The following HERC2 variants were observed in gnomAD, a reference collection of about 807,000 sequenced individuals.
The protein encoded by HERC2 is E3 ubiquitin-protein ligase HERC2.
Under a neutral mutation model 537.7 loss-of-function variants are expected in HERC2, and 102 were observed. That is an observed-to-expected ratio of 0.19 (90% CI 0.16 to 0.22). HERC2 has a LOEUF of 0.22. Among genes scored for constraint, HERC2 ranks in the 10% least tolerant of loss-of-function variants. The pLI, the probability that HERC2 is intolerant of heterozygous loss-of-function variation, is 1.00. For synonymous variants in HERC2, 2,224 were observed against 2,466.2 expected, an observed-to-expected ratio of 0.90 and a Z score of 2.91; for missense variants, 4,236 against 6,198.2, an observed-to-expected ratio of 0.68 and a Z score of 10.63.
intron 4 of HERC2, among the ~76,000 whole-genome samples, chr15:28,288,535 C>CAA (rs1216166029): frequency 1.0e-3 from 83 of 82,258 alleles, no homozygotes; most frequent in African/African-American, 2.8e-3. Context: ...AACTCCGACT[C>CAA]AAAAAAAAAA....
At position 28,113,870 on chromosome 15, in the gene HERC2, CG is replaced by C. The variant is rs1438569003; in HGVS notation, c.13914-193del. On this transcript the variant is annotated intron_variant, in intron 90 of 92. Coordinates refer to ENST00000261609, the MANE Select transcript of HERC2 (RefSeq NM_004667.6). This position sits in a 1 kb window ranked among gnomAD's most constrained non-coding sequence, Gnocchi z 7.0. ...GCTTCTCCTGACACTGGGCTCATCTCGTCCAGCCGACAGGGTACGGCCTAAT... is the reference window on the plus strand; with the variant it reads ...GCTTCTCCTGACACTGGGCTCATCTCTCCAGCCGACAGGGTACGGCCTAAT... Among the ~76,000 whole-genome samples, 1 of 152,184 alleles carries C rather than the reference CG, an allele frequency of 6.6e-6. No individual in the cohort carries two copies. The highest frequency in any genetic ancestry group is 1.9e-4 in the East Asian group (1 of 5,190).
rs1241640864 is a variant in HERC2 at position 28,169,545 on chromosome 15, T to G, written c.10168A>C (p.Asn3390His). The change falls in exon 66 of 93, where the codon AAT (asparagine) becomes CAT (histidine). Residue 3390 changes from asparagine to histidine, a missense_variant. By Grantham distance (68) the Asn-to-His change is moderately conservative. Coordinates refer to ENST00000261609, the MANE Select transcript of HERC2 (RefSeq NM_004667.6). ...GATAAGGCCTGCTGTTTGGCCAGAT[T>G]TCCATCCAATGACAAGAGAATCTTG... The part of the protein sequence containing the change: ...LAKILLSLDG[N>H]LAKQQALSHI... The G allele has an allele frequency of 6.2e-7, 1 of 1,613,088 alleles. No individual in the cohort carries two copies. Among genetic ancestry groups the G allele is most frequent in the East Asian group, 2.2e-5 (1 of 44,880 alleles).
intron 5 of HERC2, among the ~76,000 whole-genome samples, chr15:28,279,615 CCACACA>C (rs58447102): frequency 4.9e-4 from 70 of 141,676 alleles, no homozygotes; most frequent in Middle Eastern, 3.5e-3. Context: ...GACCCCATCT[CCACACA>C]CACACACACA....
At chr15:28,278,375 AAAAC>A (rs1470874353) in intron 5 of HERC2, among the ~76,000 whole-genome samples, 9 of 152,180 alleles carry the variant, frequency 5.9e-5, no homozygotes, top group African/African-American at 1.9e-4. Flanking sequence ...CCCCCATGTC[AAAAC>A]AAACAAACAA....
chr15:28,318,488 C>T (rs986201195), intron 2 of HERC2, among the ~76,000 whole-genome samples: 3 of 152,074 alleles, frequency 2.0e-5, no homozygotes, highest in African/African-American at 4.8e-5. Context: ...ATTAGCCAGG[C>T]GTGGTGGTGG....
chr15:28,113,781 G>T lies in HERC2; in HGVS notation c.13914-103C>A. ...CAGCACTGTGGCCGCACACGTCCCA[G>T]CTGGGAGAACAGAGGGAGCAGCTCC... On this transcript the variant is annotated intron_variant, in intron 90 of 92. Transcript: ENST00000261609. This position sits in a 1 kb window ranked among gnomAD's most constrained non-coding sequence, Gnocchi z 7.0. 2 of 905,350 alleles carry T rather than the reference G, an allele frequency of 2.2e-6. No individual in the cohort carries two copies. Among genetic ancestry groups the T allele is most frequent in the Non-Finnish European group, 3.5e-6 (2 of 565,468 alleles). The allele number at this position is 905,350 out of a possible 1,614,324, so 56.1% of individuals were successfully genotyped here. A position where few individuals can be genotyped will look rare whatever the true frequency, so the allele number is the denominator to read the frequency against.
At chr15:28,228,523 T>C (rs1901484180) in intron 34 of HERC2, 114 bp from the exon 35 acceptor site, 2 of 950,226 alleles carry the variant, frequency 2.1e-6, no homozygotes, top group South Asian at 3.3e-5. Flanking sequence ...CCCACTGACA[T>C]TTCTTCTGCA....
chr15:28,111,840 T>C lies in HERC2; in HGVS notation c.14428A>G (p.Ser4810Gly). The C allele has an allele frequency of 1.2e-6, 2 of 1,614,234 alleles. No individual in the cohort carries two copies. Among genetic ancestry groups the C allele is most frequent in the Non-Finnish European group, 1.7e-6 (2 of 1,180,038 alleles). ...TCCTCGTTATCTGAATCGTCGCTGC[T>C]GTCGTCGGCGGCTGGCTCTCCTGTA... is the stretch of plus-strand genomic sequence containing the variant. Reference protein sequence around the residue: ...ALTGEPAADDSSDDSDNEDVD... With the variant: ...ALTGEPAADDGSDDSDNEDVD... Residue 4810 changes from serine (S) to glycine (G), a missense_variant, in exon 93 of 93, where the codon AGC becomes GGC. By Grantham distance (56) the Ser-to-Gly change is moderately conservative. This residue lies in a region of HERC2 where 313 missense variants were observed against 462.6 expected (regional missense o/e 0.68). Transcript: ENST00000261609.
chr15:28,215,711 G>C lies in HERC2; in HGVS notation c.6120C>G (p.Cys2040Trp). The change falls in exon 39 of 93, where the codon TGC becomes TGG. Residue 2040 changes from cysteine (C) to tryptophan (W), a missense_variant. Coordinates refer to ENST00000261609, the MANE Select transcript of HERC2 (RefSeq NM_004667.6). ...TCCACTGCGGGGAGCTGAGGGCGCC[G>C]CATACCTGCGGCGTGAGAGCGATGC... ...VRSIALTPQVCGALSSPQWIT... is the reference protein window; with the variant it reads ...VRSIALTPQVWGALSSPQWIT... 6.2e-7 allele frequency: 1 copy of C among 1,611,976 alleles called. No homozygotes were observed. The highest frequency in any genetic ancestry group is 8.5e-7 in the Non-Finnish European group (1 of 1,179,810).
In HERC2 at chr15:28,116,722, A is replaced by G; in HGVS notation, c.13552T>C (p.Tyr4518His). The change falls in exon 88 of 93, where the codon TAC becomes CAC. Residue 4518 changes from tyrosine (Y) to histidine (H), a missense_variant. By Grantham distance (83) the Tyr-to-His change is moderately conservative. Around this residue, in one of 27 missense-constraint regions of HERC2, gnomAD observed 313 missense variants for 462.6 expected, o/e 0.68. Transcript: ENST00000261609. ...RDESGANRDC[Y>H]LLSPAARAPV... ...GCTCTGGCGGCCGGGCTGAGCAGGTAGCAGTCTCGGTTGGCCCCAGACTCA... is the reference window on the plus strand; with the variant it reads ...GCTCTGGCGGCCGGGCTGAGCAGGTGGCAGTCTCGGTTGGCCCCAGACTCA... 6.2e-7 allele frequency: 1 copy of G among 1,613,938 alleles called. No individual in the cohort carries two copies. The highest frequency in any genetic ancestry group is 1.1e-5 in the South Asian group (1 of 91,074).
At chr15:28,186,828 G>T in intron 55 of HERC2, 76 bp from the exon 56 acceptor site, 1 of 1,053,202 alleles carries the variant, frequency 9.5e-7, no homozygotes, top group Non-Finnish European at 1.4e-6. Context: ...AACGGGATGT[G>T]TGAGACACGA....
intron 4 of HERC2, among the ~76,000 whole-genome samples, chr15:28,286,634 A>G (rs2076165055): frequency 1.3e-5 from 2 of 152,196 alleles, no homozygotes; most frequent in South Asian, 4.1e-4. Context: ...AGCATTTACA[A>G]CACCTTAAGC....
intron 78 of HERC2, among the ~76,000 whole-genome samples, chr15:28,139,993 A>G (rs1891044399): frequency 6.6e-6 from 1 of 151,426 alleles, no homozygotes; most frequent in Non-Finnish European, 1.5e-5. Flanking sequence ...GCTTGAACCC[A>G]GGAGGCAGAG....
At position 28,214,781 on chromosome 15, in the gene HERC2, G is replaced by C. The variant is rs1369413500; in HGVS notation, c.6232C>G (p.Gln2078Glu). The C allele has an allele frequency of 9.3e-6, 15 of 1,611,662 alleles. No individual in the cohort carries two copies. In the Middle Eastern group the frequency reaches 6.8e-4, roughly 73 times the overall value. The change falls in exon 40 of 93, where the codon CAA becomes GAA. Residue 2078 changes from glutamine to glutamate, a missense_variant. Physicochemically the swap from Gln to Glu is conservative, Grantham distance 29 (BLOSUM62 2). Transcript: ENST00000261609. ...TTGTCCCATGATGGAAGGACTGCTT[G>C]CAACAAATGCACAGCTAAGATCTGA... is the stretch of plus-strand genomic sequence containing the variant. ...QRQILAVHLL[Q>E]AVLPSWDKTE...
chr15:28,151,138 T>C (rs187933713), intron 70 of HERC2, among the ~76,000 whole-genome samples: 1 of 152,330 alleles, frequency 6.6e-6, no homozygotes, highest in East Asian at 1.9e-4. Flanking sequence ...GTTGGCAGTA[T>C]TGAAATTATA....
At chr15:28,275,071 C>T in intron 5 of HERC2, 66 bp from the exon 6 acceptor site, 1 of 983,252 alleles carries the variant, frequency 1.0e-6, no homozygotes, top group South Asian at 1.3e-5. Context: ...TACATAAAAT[C>T]AATACTATGA....
chr15:28,217,780 CAG>C (rs1567029609), intron 38 of HERC2, among the ~76,000 whole-genome samples: 1 of 152,146 alleles, frequency 6.6e-6, no homozygotes, highest in Non-Finnish European at 1.5e-5. Context: ...ATGCAGAACA[CAG>C]GGGCAGGGGC....
At chr15:28,170,409 C>T (rs1322515428) in intron 65 of HERC2, among the ~76,000 whole-genome samples, 2 of 152,308 alleles carry the variant, frequency 1.3e-5, no homozygotes, top group East Asian at 1.9e-4. Context: ...AAAAGCAACT[C>T]GGAGGCAGGA....
intron 15 of HERC2, 24 bp from the exon 16 acceptor site, chr15:28,260,994 T>C (rs759326654): frequency 5.0e-6 from 8 of 1,587,444 alleles, no homozygotes; most frequent in Non-Finnish European, 6.0e-6. Context: ...GGGATGCAGA[T>C]GCAGCTTCAA....
Sources: allele counts gnomAD v4.1 joint callset (sites outside exome capture counted in the v4.1 genomes callset), GRCh38; gene constraint gnomAD v4.1.1; regional missense constraint gnomAD v4.1.1; non-coding constraint Gnocchi (gnomAD v3.1); transcripts MANE v1.5; gene names NCBI Gene and HGNC (gene_info 2026-07-23, HGNC 2026-07-21).